The following SNX29 variants were observed in gnomAD, a reference collection of about 807,000 sequenced individuals.
SNX29 encodes the protein sorting nexin 29, also known as sorting nexin-29.
Under a neutral mutation model 102.1 loss-of-function variants are expected in SNX29, and 78 were observed. The ratio of observed to expected loss-of-function variants is 0.76; its 90% CI spans 0.64 to 0.92. The LOEUF is 0.92. Among genes scored for constraint, SNX29 ranks in the 40% least tolerant of loss-of-function variants. SNX29 has a pLI of 0.00. For missense variants in SNX29, 1,280 were observed against 1,061.7 expected, an observed-to-expected ratio of 1.21 and a Z score of -2.86; for synonymous variants, 580 against 414.5, an observed-to-expected ratio of 1.40 and a Z score of -4.85.
At chr16:12,364,825 C>G (rs1235446555) in intron 16 of SNX29, among the ~76,000 whole-genome samples, 1 of 152,168 alleles carries the variant, frequency 6.6e-6, no homozygotes, top group Non-Finnish European at 1.5e-5. Flanking sequence ...GACTTGCTGC[C>G]TGTGGAACCA....
chr16:12,337,821 C>T (rs781432599), intron 15 of SNX29, among the ~76,000 whole-genome samples: 3 of 152,180 alleles, frequency 2.0e-5, no homozygotes, highest in Non-Finnish European at 4.4e-5. Flanking sequence ...CATCTTCCCT[C>T]ATCATCTCAA....
intron 15 of SNX29, among the ~76,000 whole-genome samples, chr16:12,345,111 T>C (rs2081752851): frequency 6.6e-6 from 1 of 152,220 alleles, no homozygotes; most frequent in African/African-American, 2.4e-5. Context: ...GTGTTGTCAG[T>C]GGCTTTGGCA....
intron 14 of SNX29, among the ~76,000 whole-genome samples, chr16:12,277,145 T>C (rs940376751): frequency 2.0e-5 from 3 of 152,086 alleles, no homozygotes; most frequent in African/African-American, 4.8e-5. Flanking sequence ...CTCAGCACTT[T>C]GGGAAGCTGA....
chr16:12,074,669 C>G, intron 10 of SNX29, among the ~76,000 whole-genome samples: 1 of 152,128 alleles, frequency 6.6e-6, no homozygotes, highest in Non-Finnish European at 1.5e-5. Context: ...CCAGGAGTAT[C>G]TTTGTGGCGT....
chr16:12,564,017 G>GGGAGTTGA, intron 20 of SNX29, among the ~76,000 whole-genome samples: 1 of 152,112 alleles, frequency 6.6e-6, no homozygotes, highest in South Asian at 2.1e-4. Context: ...CCCCAGGGTA[G>GGGAGTTGA]GGAGTTGAGG....
intron 15 of SNX29, among the ~76,000 whole-genome samples, chr16:12,311,199 C>T (rs149990772): frequency 1.4e-4 from 21 of 152,120 alleles, no homozygotes; most frequent in African/African-American, 5.1e-4. Context: ...TTCTGAACCC[C>T]CCGCCCCCTA....
At chr16:12,108,915 G>A (rs1414354739) in intron 11 of SNX29, among the ~76,000 whole-genome samples, 8 of 152,024 alleles carry the variant, frequency 5.3e-5, no homozygotes, top group East Asian at 1.9e-4. Context: ...TGGATCACAC[G>A]GCAGGAGTTC....
intron 20 of SNX29, among the ~76,000 whole-genome samples, chr16:12,553,912 C>A (rs1567186158): frequency 6.6e-6 from 1 of 152,172 alleles, no homozygotes; most frequent in Non-Finnish European, 1.5e-5. Context: ...GGCATGATCT[C>A]CGCCTCCTGG....
chr16:12,130,243 G>A (rs1292728192), intron 13 of SNX29, among the ~76,000 whole-genome samples: 3 of 149,306 alleles, frequency 2.0e-5, no homozygotes, highest in Non-Finnish European at 3.0e-5. Flanking sequence ...TTGGGAGGCC[G>A]AGGTGGGTGG....
chr16:12,221,285 T>C (rs1185834690), intron 14 of SNX29, among the ~76,000 whole-genome samples: 2 of 152,078 alleles, frequency 1.3e-5, no homozygotes, highest in Non-Finnish European at 2.9e-5. Context: ...TCACTGAGCC[T>C]GGGAAATCAG....
chr16:12,542,869 G>A (rs1037002972), intron 20 of SNX29, among the ~76,000 whole-genome samples: 14 of 151,980 alleles, frequency 9.2e-5, no homozygotes, highest in South Asian at 2.1e-4. Flanking sequence ...CTAAATGTCT[G>A]AGTCTCTAGA....
intron 13 of SNX29, among the ~76,000 whole-genome samples, chr16:12,179,603 C>CTG (rs1262056608): frequency 6.6e-6 from 1 of 152,162 alleles, no homozygotes; most frequent in Non-Finnish European, 1.5e-5. Context: ...CTTTTGAATC[C>CTG]TGGTCTCATC....
intron 10 of SNX29, among the ~76,000 whole-genome samples, chr16:12,073,529 C>T (rs2051400011): frequency 6.6e-6 from 1 of 152,126 alleles, no homozygotes; most frequent in South Asian, 2.1e-4. Flanking sequence ...GCACTGTGGT[C>T]TGAGAGACTG....
intron 19 of SNX29, among the ~76,000 whole-genome samples, chr16:12,496,342 A>C (rs1363986560): frequency 1.3e-5 from 2 of 152,048 alleles, no homozygotes; most frequent in Non-Finnish European, 2.9e-5. Context: ...CCTGCAGCTC[A>C]GGGTACACGG....
intron 10 of SNX29, among the ~76,000 whole-genome samples, chr16:12,076,429 T>A (rs1216120627): frequency 6.6e-6 from 1 of 152,064 alleles, no homozygotes; most frequent in East Asian, 1.9e-4. Context: ...GCCTCCCAAG[T>A]ACCTGGGATT....
chr16:12,543,234 C>G (rs985639651), intron 20 of SNX29, among the ~76,000 whole-genome samples: 20 of 152,298 alleles, frequency 1.3e-4, no homozygotes, highest in Admixed American at 8.5e-4. Context: ...AGCGGAAATT[C>G]TAGAGATTCT....
At chr16:12,518,182 C>T (rs1414124824) in intron 19 of SNX29, among the ~76,000 whole-genome samples, 1 of 152,102 alleles carries the variant, frequency 6.6e-6, no homozygotes, top group Non-Finnish European at 1.5e-5. Context: ...GCTCTCTCTG[C>T]CTAAGCTTCC....
chr16:12,057,824 A>T (rs34108788), intron 8 of SNX29, among the ~76,000 whole-genome samples: 1,591 of 19,032 alleles, frequency 0.084, 28 homozygotes, highest in African/African-American at 0.28. Flanking sequence ...TTTTATATAT[A>T]TATTTTTTTT....
At chr16:12,417,457 C>T (rs1156316610) in intron 18 of SNX29, among the ~76,000 whole-genome samples, 1 of 152,182 alleles carries the variant, frequency 6.6e-6, no homozygotes, top group Non-Finnish European at 1.5e-5. Flanking sequence ...GGGAGATGAG[C>T]TAGTGGGTCA....
Sources: allele counts gnomAD v4.1 joint callset (sites outside exome capture counted in the v4.1 genomes callset), GRCh38; gene constraint gnomAD v4.1.1; transcripts MANE v1.5; gene names NCBI Gene and HGNC (gene_info 2026-07-23, HGNC 2026-07-21).